The following COA1 variants were observed in gnomAD, a reference collection of about 807,000 sequenced individuals.
COA1 encodes cytochrome c oxidase assembly factor 1.
A neutral mutation model predicts 16.0 loss-of-function variants in COA1; 13 were observed. That is an observed-to-expected ratio of 0.81 (90% CI 0.53 to 1.29). The LOEUF is 1.29. Among genes scored for constraint, COA1 ranks in the 50% most tolerant of loss-of-function variants. COA1 has a pLI of 0.00. For missense variants in COA1, 179 were observed against 177.0 expected, an observed-to-expected ratio of 1.01 and a Z score of -0.06; for synonymous variants, 65 against 65.7, an observed-to-expected ratio of 0.99 and a Z score of 0.05.
At chr7:43,644,719 T>C (rs1191796714) in intron 4 of COA1, among the ~76,000 whole-genome samples, 68 of 20,722 alleles carry the variant, frequency 3.3e-3, no homozygotes, top group South Asian at 5.2e-3. Context: ...ATTAGATAGA[T>C]AGATAGATAG....
chr7:43,716,251 G>A (rs2095392208), intron 1 of COA1, among the ~76,000 whole-genome samples: 2 of 152,156 alleles, frequency 1.3e-5, no homozygotes, highest in Admixed American at 6.5e-5. Context: ...AAGAAGACAC[G>A]AAAATGTGGG....
intron 1 of COA1, among the ~76,000 whole-genome samples, chr7:43,708,020 A>C (rs1033540632): frequency 2.0e-5 from 3 of 152,232 alleles, no homozygotes; most frequent in African/African-American, 7.2e-5. Context: ...CCTGACCAAC[A>C]TGGTGAAACC....
At chr7:43,681,119 A>G (rs2093750369) in intron 1 of COA1, among the ~76,000 whole-genome samples, 1 of 151,960 alleles carries the variant, frequency 6.6e-6, no homozygotes, top group Non-Finnish European at 1.5e-5. Context: ...TACCCTCATC[A>G]TTTCTGTCAT....
At position 43,696,974 on chromosome 7, in the gene COA1, A is replaced by G. The variant is rs554315369; in HGVS notation, c.-39+32455T>C. On this transcript the variant is annotated intron_variant, in intron 1 of 5. Transcript: ENST00000223336. ...CCCATATCTACTAAAAATACAAAAA[A>G]TTAACTCGGCATGGTGACACACGCC... Among the ~76,000 whole-genome samples, 3 of 152,014 alleles carry G rather than the reference A, an allele frequency of 2.0e-5. No homozygotes were observed. In the East Asian group the frequency reaches 5.8e-4, roughly 30 times the overall value.
downstream of COA1, among the ~76,000 whole-genome samples, chr7:43,635,971 CAT>C (rs144871811): frequency 7.5e-3 from 1,144 of 152,218 alleles, 11 homozygotes; most frequent in African/African-American, 0.025. Flanking sequence ...TAACATACCT[CAT>C]GTGATCTGAT....
intron 1 of COA1, chr7:43,657,360 C>G (rs532025517): frequency 6.6e-6 from 1 of 152,356 alleles, no homozygotes; most frequent in East Asian, 1.9e-4. Context: ...TCTCATACTA[C>G]TGCAAGTGGC....
intron 6 of COA1, chr7:43,619,484 A>C (rs1242811267): frequency 7.7e-7 from 1 of 1,294,480 alleles, no homozygotes; most frequent in Admixed American, 2.2e-5. Flanking sequence ...ATGACTGTTT[A>C]CTGTTAAATT....
chr7:43,623,355 TCAA>T (rs1208130268), intron 6 of COA1: 3 of 511,434 alleles, frequency 5.9e-6, no homozygotes, highest in African/African-American at 2.0e-5. Flanking sequence ...TACTAGGGAC[TCAA>T]CAATGGTGGG....
intron 1 of COA1, among the ~76,000 whole-genome samples, chr7:43,678,642 G>A (rs2093637138): frequency 1.3e-5 from 2 of 152,098 alleles, no homozygotes; most frequent in African/African-American, 2.4e-5. Flanking sequence ...ATTCAAAAAT[G>A]GGAAGAGGAT....
intron 6 of COA1, chr7:43,624,398 G>GT (rs1310718049): frequency 1.1e-6 from 1 of 947,102 alleles, no homozygotes; most frequent in Non-Finnish European, 1.5e-6. Context: ...AGGAATCACA[G>GT]TAAGATTTTT....
intron 6 of COA1, chr7:43,623,647 C>G: frequency 6.2e-7 from 1 of 1,607,546 alleles, no homozygotes; most frequent in East Asian, 2.2e-5. Flanking sequence ...AAAAATTGAT[C>G]AAATTAGTTT....
At chr7:43,610,792 A>G (rs1278035848) in intron 6 of COA1, among the ~76,000 whole-genome samples, 1 of 151,992 alleles carries the variant, frequency 6.6e-6, no homozygotes, top group Non-Finnish European at 1.5e-5. Flanking sequence ...ATAACTGCTT[A>G]ATTTTTATTG....
intron 1 of COA1, among the ~76,000 whole-genome samples, chr7:43,709,334 A>G (rs2095126455): frequency 6.6e-6 from 1 of 151,854 alleles, no homozygotes; most frequent in South Asian, 2.1e-4. Flanking sequence ...CCTATCTCCT[A>G]TAATCTTTAC....
At chr7:43,708,461 A>T (rs956821690) in intron 1 of COA1, among the ~76,000 whole-genome samples, 2 of 107,466 alleles carry the variant, frequency 1.9e-5, no homozygotes, top group Non-Finnish European at 4.9e-5. Context: ...ACCTTTTCTA[A>T]AAAAAAAAAA....
At chr7:43,643,925 G>A (rs1359177351) in intron 4 of COA1, among the ~76,000 whole-genome samples, 1 of 152,166 alleles carries the variant, frequency 6.6e-6, no homozygotes, top group Non-Finnish European at 1.5e-5. Flanking sequence ...AAAAAATAAT[G>A]TAGGTCGGAT....
chr7:43,638,565 CCTTTTT>C (rs2086303323), downstream of COA1, among the ~76,000 whole-genome samples: 1 of 125,248 alleles, frequency 8.0e-6, no homozygotes, highest in African/African-American at 3.4e-5. Flanking sequence ...CTTTTTCTTT[CCTTTTT>C]TTTTTTTTTT....
intron 1 of COA1, among the ~76,000 whole-genome samples, chr7:43,672,861 C>T (rs543248968): frequency 3.8e-4 from 58 of 151,560 alleles, no homozygotes; most frequent in African/African-American, 1.4e-3. Context: ...GAAATAATGC[C>T]GCACACCTAC....
At chr7:43,653,514 T>C (rs1190464319) in intron 1 of COA1, among the ~76,000 whole-genome samples, 2 of 152,142 alleles carry the variant, frequency 1.3e-5, no homozygotes, top group East Asian at 1.9e-4. Context: ...AAATTAAGTA[T>C]ACAAATGTTA....
intron 6 of COA1, among the ~76,000 whole-genome samples, chr7:43,620,698 A>G (rs763997900): frequency 2.0e-5 from 3 of 152,014 alleles, no homozygotes; most frequent in Non-Finnish European, 4.4e-5. Context: ...GAATATTAAT[A>G]TTTAAAATTT....
Sources: allele counts gnomAD v4.1 joint callset (sites outside exome capture counted in the v4.1 genomes callset), GRCh38; gene constraint gnomAD v4.1.1; transcripts MANE v1.5; gene names NCBI Gene and HGNC (gene_info 2026-07-23, HGNC 2026-07-21).